CILK1: variants seen among roughly 807,000 people sequenced by gnomAD.
CILK1 encodes the protein ciliogenesis associated kinase 1, also known as serine/threonine-protein kinase ICK.
Under a neutral mutation model 79.2 loss-of-function variants are expected in CILK1, and 47 were observed. The observed-to-expected ratio is 0.59, with a 90% CI of 0.47 to 0.76. The LOEUF is 0.76. CILK1 is among the 30% of genes least tolerant of loss of function. CILK1 has a pLI of 0.00. For synonymous variants in CILK1, 266 were observed against 275.9 expected (o/e 0.96, Z 0.36); for missense variants, 660 against 769.5 (o/e 0.86, Z 1.68).
intron 9 of CILK1, among the ~76,000 whole-genome samples, chr6:53,013,161 A>T (rs977857143): frequency 6.6e-6 from 1 of 152,250 alleles, no homozygotes; most frequent in Non-Finnish European, 1.5e-5. Flanking sequence ...TTGATAAATG[A>T]GGAAACTGAA....
intron 7 of CILK1, among the ~76,000 whole-genome samples, chr6:53,016,557 G>A (rs1764905752): frequency 6.6e-6 from 1 of 152,128 alleles, no homozygotes; most frequent in Non-Finnish European, 1.5e-5. Flanking sequence ...TTCCCCAACT[G>A]TGTTCCATGA....
intron 1 of CILK1, among the ~76,000 whole-genome samples, chr6:53,041,901 A>G (rs1235641691): frequency 6.7e-6 from 1 of 149,690 alleles, no homozygotes; most frequent in African/African-American, 2.5e-5. Context: ...GTAAATAATT[A>G]CCTTACCTTT....
chr6:53,018,829 G>GA (rs201681334), intron 6 of CILK1, among the ~76,000 whole-genome samples: 3 of 152,116 alleles, frequency 2.0e-5, no homozygotes, highest in African/African-American at 7.2e-5. Context: ...GAAGAGGGAG[G>GA]AAAAAACCTA....
At position 53,061,775 on chromosome 6, in the gene CILK1, T is replaced by C. The variant is rs1768491074; in HGVS notation, c.-352A>G. 1 of 152,190 alleles carries C rather than the reference T, an allele frequency of 6.6e-6. No individual in the cohort carries two copies. Among genetic ancestry groups the C allele is most frequent in the Non-Finnish European group, 1.5e-5 (1 of 68,070 alleles). The allele number at this position is 152,190 out of a possible 1,614,324, so 9.4% of individuals were successfully genotyped here. ...GTCGCACGGGCCGCACGGCGCATGG[T>C]AGTGCAGCAGGAACCCGGCCGTTTT... On this transcript the variant is annotated 5_prime_UTR_variant, in exon 1 of 14. Transcript: ENST00000676107.
intron 1 of CILK1, among the ~76,000 whole-genome samples, chr6:53,057,610 T>C (rs1399675517): frequency 6.6e-6 from 1 of 152,180 alleles, no homozygotes; most frequent in Admixed American, 6.5e-5. Context: ...AAAGATAAAA[T>C]ATAACTGAAT....
chr6:53,007,125 T>C (rs1184783025), intron 12 of CILK1, among the ~76,000 whole-genome samples: 1 of 152,232 alleles, frequency 6.6e-6, no homozygotes, highest in Non-Finnish European at 1.5e-5. Flanking sequence ...TCTTATTATT[T>C]AGGCTTAAAG....
At chr6:53,053,289 G>A (rs1767615368) in intron 1 of CILK1, among the ~76,000 whole-genome samples, 1 of 152,236 alleles carries the variant, frequency 6.6e-6, no homozygotes, top group African/African-American at 2.4e-5. Context: ...GAATTAGCAT[G>A]TATTTCTAAC....
chr6:53,011,424 C>G (rs528124652), intron 11 of CILK1, among the ~76,000 whole-genome samples: 1 of 152,204 alleles, frequency 6.6e-6, no homozygotes, highest in East Asian at 1.9e-4. Context: ...ATGGTGAAAC[C>G]CTGTCTCTAC....
intron 1 of CILK1, chr6:53,061,193 G>C (rs1179830878): frequency 6.6e-6 from 1 of 152,198 alleles, no homozygotes; most frequent in African/African-American, 2.4e-5. Flanking sequence ...AGATTAGTAA[G>C]AAAGAAATCA....
intron 1 of CILK1, among the ~76,000 whole-genome samples, chr6:53,055,395 G>A (rs138209596): frequency 2.7e-4 from 41 of 152,278 alleles, no homozygotes; most frequent in African/African-American, 9.6e-4. Flanking sequence ...GTACATTTTA[G>A]CAAGCAAACC....
intron 2 of CILK1, 133 bp from the exon 3 acceptor site, chr6:53,038,126 T>C: frequency 2.9e-6 from 2 of 681,500 alleles, no homozygotes; most frequent in African/African-American, 1.8e-5. Flanking sequence ...CCCAGTATTA[T>C]ACTATCCCAA....
chr6:53,034,965 T>A (rs1043600056), intron 3 of CILK1, among the ~76,000 whole-genome samples: 1 of 152,126 alleles, frequency 6.6e-6, no homozygotes, highest in Non-Finnish European at 1.5e-5. Flanking sequence ...TGGAGGACTC[T>A]GTGTCTGGGG....
At chr6:53,023,999 G>T (rs1057468485) in intron 5 of CILK1, among the ~76,000 whole-genome samples, 3 of 152,178 alleles carry the variant, frequency 2.0e-5, no homozygotes, top group Non-Finnish European at 4.4e-5. Flanking sequence ...CCCACCACGG[G>T]GTTGCTTTTA....
intron 1 of CILK1, among the ~76,000 whole-genome samples, chr6:53,054,252 A>G (rs549446434): frequency 6.6e-6 from 1 of 152,170 alleles, no homozygotes; most frequent in East Asian, 1.9e-4. Context: ...CCTTGATGCC[A>G]TAGTGCCTTG....
chr6:53,032,610 T>G lies in CILK1; in HGVS notation c.201A>C (p.Glu67Asp). 6.2e-7 allele frequency: 1 copy of G among 1,606,908 alleles called. No homozygotes were observed. ...AAAGATGATCATTTTCCCTGATAAC[T>G]TCTTTTAATTTGACTACATTGGCAT... The part of the protein sequence containing the change: ...LNHANVVKLK[E>D]VIRENDHLYF... Residue 67 changes from glutamate (E) to aspartate (D), a missense_variant, in exon 4 of 14, where the codon GAA becomes GAC. Coordinates refer to ENST00000676107, the MANE Select transcript of CILK1 (RefSeq NM_014920.5).
chr6:53,023,973 G>A (rs1242785359), intron 5 of CILK1, among the ~76,000 whole-genome samples: 3 of 152,324 alleles, frequency 2.0e-5, no homozygotes, highest in East Asian at 1.9e-4. Flanking sequence ...TAAGTGAGAG[G>A]AGGAAGTACT....
chr6:53,011,073 G>A (rs1318193375), intron 11 of CILK1, among the ~76,000 whole-genome samples: 1 of 152,182 alleles, frequency 6.6e-6, no homozygotes, highest in African/African-American at 2.4e-5. Flanking sequence ...TCAGGAGAGA[G>A]GCTTGGATAC....
chr6:53,054,713 A>C (rs1767727209), intron 1 of CILK1: 1 of 152,226 alleles, frequency 6.6e-6, no homozygotes, highest in African/African-American at 2.4e-5. Flanking sequence ...ACTACCAAAG[A>C]AAGACAGCTT....
rs755016238 is a variant in CILK1, at chr6:53,013,665, CTG to C, written c.1147_1148del (p.Gln383ValfsTer13). On this transcript the variant is annotated frameshift_variant, in exon 9 of 14. Coordinates refer to ENST00000676107, the MANE Select transcript of CILK1 (RefSeq NM_014920.5). LOFTEE classifies it high-confidence loss of function. Reference sequence around the variant, plus strand: ...CTGGTGAATCTGGGCTGCTCACCGACTGTGGATGCTTGTTGTGGAGGGATGGG... The same window carrying C: ...CTGGTGAATCTGGGCTGCTCACCGACTGGATGCTTGTTGTGGAGGGATGGG... The part of the protein sequence containing the change: ...LFPSLHNKHP[Q>X]SKITAGLEHK... 6.2e-7 allele frequency: 1 copy of C among 1,614,086 alleles called. No individual in the cohort carries two copies. Among genetic ancestry groups the C allele is most frequent in the Non-Finnish European group, 8.5e-7 (1 of 1,179,996 alleles).
Sources: gnomAD v4.1 joint callset for allele counts (sites outside exome capture counted in the v4.1 genomes callset) on GRCh38, gnomAD v4.1.1 for gene constraint, MANE v1.5 for transcripts, NCBI Gene and HGNC (gene_info 2026-07-23, HGNC 2026-07-21) for gene names.